Variants in STK3 observed in about 807,000 individuals in gnomAD.
The protein encoded by STK3 is serine/threonine kinase 3.
Under a neutral mutation model 58.0 loss-of-function variants are expected in STK3, and 41 were observed. That is an observed-to-expected ratio of 0.71 (90% CI 0.55 to 0.92). The LOEUF is 0.92. Ranked by LOEUF, STK3 falls within the 40% of genes least tolerant of loss-of-function variation. The pLI is 0.00. For missense variants in STK3, 479 were observed against 602.7 expected (o/e 0.79, Z 2.15); for synonymous variants, 170 against 191.0 (o/e 0.89, Z 0.91).
intron 6 of STK3, among the ~76,000 whole-genome samples, chr8:98,612,075 T>C (rs951944235): frequency 6.7e-6 from 1 of 149,368 alleles, no homozygotes; most frequent in African/African-American, 2.4e-5. Flanking sequence ...TAGACATTTA[T>C]ATAAATATAT....
intron 10 of STK3, among the ~76,000 whole-genome samples, chr8:98,505,401 CAA>C (rs1489355034): frequency 6.6e-6 from 1 of 152,198 alleles, no homozygotes; most frequent in Non-Finnish European, 1.5e-5. Flanking sequence ...GTCAGCTCAT[CAA>C]AGTCATTCTC....
intron 10 of STK3, among the ~76,000 whole-genome samples, chr8:98,522,951 A>G (rs1825474281): frequency 6.6e-6 from 1 of 152,184 alleles, no homozygotes; most frequent in Non-Finnish European, 1.5e-5. Context: ...CCATCAATGG[A>G]CACTTGGGTT....
intron 4 of STK3, among the ~76,000 whole-genome samples, chr8:98,708,000 G>A (rs1439058821): frequency 2.0e-5 from 3 of 151,900 alleles, no homozygotes; most frequent in Middle Eastern, 3.2e-3. Flanking sequence ...TTAGCCAGGC[G>A]TGATGGCGTG....
At chr8:98,415,088 C>T (rs1203301874) in intron 3 of STK3, among the ~76,000 whole-genome samples, 1 of 152,156 alleles carries the variant, frequency 6.6e-6, no homozygotes, top group Non-Finnish European at 1.5e-5. Flanking sequence ...CATAAAAGGG[C>T]TTGATAGAGT....
At chr8:98,669,542 T>G (rs186784305) in intron 6 of STK3, among the ~76,000 whole-genome samples, 131 of 152,306 alleles carry the variant, frequency 8.6e-4, no homozygotes, top group African/African-American at 2.9e-3. Flanking sequence ...TAAAATATTT[T>G]TTGACTAATA....
intron 6 of STK3, among the ~76,000 whole-genome samples, chr8:98,695,825 T>G (rs990229434): frequency 6.6e-6 from 1 of 152,202 alleles, no homozygotes; most frequent in African/African-American, 2.4e-5. Context: ...TCTTTTGGGT[T>G]AGGATTGACT....
chr8:98,706,883 T>A (rs1156331695), intron 5 of STK3, among the ~76,000 whole-genome samples: 1 of 152,188 alleles, frequency 6.6e-6, no homozygotes, highest in East Asian at 1.9e-4. Context: ...AGTGCTACAA[T>A]GATAAAAGCT....
At chr8:98,712,757 T>C (rs1327549082) in intron 4 of STK3, among the ~76,000 whole-genome samples, 2 of 152,238 alleles carry the variant, frequency 1.3e-5, no homozygotes, top group East Asian at 3.9e-4. Flanking sequence ...TATCCAGGAA[T>C]TGAACTCAGC....
chr8:98,763,449 AT>A (rs1450439610), intron 3 of STK3, among the ~76,000 whole-genome samples: 1 of 152,236 alleles, frequency 6.6e-6, no homozygotes, highest in African/African-American at 2.4e-5. Flanking sequence ...AATTTACCAA[AT>A]TCACAAATAG....
chr8:98,915,892 T>G (rs1168070506), intron 1 of STK3, among the ~76,000 whole-genome samples: 3 of 152,152 alleles, frequency 2.0e-5, no homozygotes, highest in Non-Finnish European at 4.4e-5. Flanking sequence ...TTTACCTATC[T>G]ATTTTAGGAT....
intron 8 of STK3, among the ~76,000 whole-genome samples, chr8:98,577,023 A>G (rs1813459706): frequency 6.6e-6 from 1 of 152,192 alleles, no homozygotes; most frequent in African/African-American, 2.4e-5. Flanking sequence ...ATAAGCAAAA[A>G]TGTCATAATG....
chr8:98,848,076 C>T (rs1244693146), intron 3 of STK3, among the ~76,000 whole-genome samples: 2 of 152,146 alleles, frequency 1.3e-5, no homozygotes, highest in Non-Finnish European at 2.9e-5. Flanking sequence ...CCATGCCGCA[C>T]AATTCACTCA....
chr8:98,747,415 G>GT (rs1426056641), intron 4 of STK3, among the ~76,000 whole-genome samples: 1 of 152,224 alleles, frequency 6.6e-6, no homozygotes, highest in Non-Finnish European at 1.5e-5. Context: ...AATTACTAGA[G>GT]TGAGTTTTAC....
chr8:98,714,983 C>T (rs560884533), intron 4 of STK3, among the ~76,000 whole-genome samples: 31 of 152,242 alleles, frequency 2.0e-4, no homozygotes, highest in African/African-American at 7.2e-4. Flanking sequence ...TGCCGCATAT[C>T]TACAACTACC....
intron 7 of STK3, among the ~76,000 whole-genome samples, chr8:98,594,624 TAC>T (rs1815644497): frequency 6.6e-6 from 1 of 151,994 alleles, no homozygotes; most frequent in African/African-American, 2.4e-5. Context: ...ATAAAATATA[TAC>T]ACACACATAT....
At chr8:98,777,015 A>C (rs1203457648) in intron 1 of STK3, among the ~76,000 whole-genome samples, 1 of 151,852 alleles carries the variant, frequency 6.6e-6, no homozygotes, top group Non-Finnish European at 1.5e-5. Context: ...GCGCCGCTGC[A>C]CTCCAGCCTG....
chr8:98,897,512 G>C (rs568429817), intron 1 of STK3, among the ~76,000 whole-genome samples: 1 of 152,090 alleles, frequency 6.6e-6, no homozygotes, highest in Non-Finnish European at 1.5e-5. Flanking sequence ...GGAGAATGGC[G>C]TGAACCCGGG....
In STK3 at chr8:98,539,737, C is replaced by T. The variant is rs147859047; in HGVS notation, c.1141+8232G>A. 5.4e-3 allele frequency among the ~76,000 whole-genome samples: 821 copies of T among 151,994 alleles called. 3 individuals are homozygous for T. The highest frequency in any genetic ancestry group is 8.2e-3 in the Non-Finnish European group (560 of 67,964). Reference sequence around the variant, plus strand: ...AAATAATATACAACCTAAACATAACCGGTTATTTCTCCACCCATTCTTTTT... The same window carrying T: ...AAATAATATACAACCTAAACATAACTGGTTATTTCTCCACCCATTCTTTTT... On this transcript the variant is annotated intron_variant, in intron 9 of 10. Coordinates refer to ENST00000419617, the MANE Select transcript of STK3 (RefSeq NM_006281.4).
chr8:98,890,122 A>G (rs947677728), intron 1 of STK3, among the ~76,000 whole-genome samples: 28 of 152,184 alleles, frequency 1.8e-4, no homozygotes, highest in African/African-American at 6.3e-4. Context: ...GCAGTCTCCC[A>G]GTGAGTCCGT....
Sources: allele counts gnomAD v4.1 joint callset (sites outside exome capture counted in the v4.1 genomes callset), GRCh38; gene constraint gnomAD v4.1.1; transcripts MANE v1.5; gene names NCBI Gene and HGNC (gene_info 2026-07-23, HGNC 2026-07-21).